PAMR1: variants seen among roughly 807,000 people sequenced by gnomAD.
PAMR1 encodes the protein peptidase domain containing associated with muscle regeneration 1, also known as inactive serine protease PAMR1.
Under a neutral mutation model 81.8 loss-of-function variants are expected in PAMR1, and 88 were observed. That is an observed-to-expected ratio of 1.08 (90% confidence interval 0.91 to 1.28). PAMR1 has a LOEUF of 1.28. Ranked by LOEUF, PAMR1 falls within the 50% of genes most tolerant of loss-of-function variation. The probability of loss-of-function intolerance (pLI) is 0.00; values close to 1 mark genes in which losing one functional copy is unlikely to be tolerated. For synonymous variants in PAMR1, 336 were observed against 345.3 expected, an observed-to-expected ratio of 0.97 and a Z score of 0.30; for missense variants, 935 against 919.7, an observed-to-expected ratio of 1.02 and a Z score of -0.21.
chr11:35,486,861 T>C (rs1364903840), intron 3 of PAMR1, among the ~76,000 whole-genome samples: 1 of 152,182 alleles, frequency 6.6e-6, no homozygotes, highest in Non-Finnish European at 1.5e-5. Flanking sequence ...ATGGAGCGAC[T>C]GAAGTATTGT....
chr11:35,518,326 G>A (rs1273715891), intron 1 of PAMR1, among the ~76,000 whole-genome samples: 5 of 151,900 alleles, frequency 3.3e-5, no homozygotes, highest in African/African-American at 1.2e-4. Context: ...GGACATTTCA[G>A]GTGTTCTCCA....
At chr11:35,528,581 T>G (rs7952594), upstream of PAMR1, among the ~76,000 whole-genome samples, 2 of 152,194 alleles carry the variant, frequency 1.3e-5, no homozygotes, top group African/African-American at 4.8e-5. Context: ...TAAAAAACTT[T>G]TGTTTGTTTT....
Position 35,458,486 on chromosome 11 carries a change from C to G in PAMR1, c.820+9515G>C, listed in dbSNP as rs144732811. On this transcript the variant is annotated intron_variant, in intron 6 of 10. Coordinates refer to ENST00000619888, the MANE Select transcript of PAMR1 (RefSeq NM_001001991.3). ...ATGAAATATTTATGATTGCCAGATA[C>G]CACCTGAGCTAAAAACCAAGTCAGG... Among the ~76,000 whole-genome samples the G allele has an allele frequency of 7.3e-4, 111 of 152,238 alleles. 1 individual carries two copies. Among genetic ancestry groups the G allele is most frequent in the African/African-American group, 2.4e-3 (101 of 41,518 alleles).
intron 3 of PAMR1, among the ~76,000 whole-genome samples, chr11:35,480,665 C>A (rs1850373985): frequency 6.6e-6 from 1 of 152,074 alleles, no homozygotes; most frequent in African/African-American, 2.4e-5. Context: ...AAATACTTTT[C>A]AAATCTCTCC....
rs557495484 is a variant in PAMR1 at position 35,472,092 on chromosome 11, C to A, written c.495-1274G>T. Reference sequence around the variant, plus strand: ...AGTGTTTACTTCACAAAGGGTTGATCACAGAGCTTTTGGGGTGTAGGTCCT... The same window carrying A: ...AGTGTTTACTTCACAAAGGGTTGATAACAGAGCTTTTGGGGTGTAGGTCCT... On this transcript the variant is annotated intron_variant, in intron 4 of 10. Transcript: ENST00000619888. 1.4e-4 allele frequency among the ~76,000 whole-genome samples: 22 copies of A among 152,310 alleles called. No homozygotes were observed. In the South Asian group the frequency reaches 2.3e-3, roughly 16 times the overall value.
chr11:35,503,965 C>A (rs371270414), intron 1 of PAMR1, among the ~76,000 whole-genome samples: 14 of 152,084 alleles, frequency 9.2e-5, no homozygotes, highest in African/African-American at 9.6e-5. Context: ...TAGAGGGAAA[C>A]CTTTCCATTT....
intron 7 of PAMR1, among the ~76,000 whole-genome samples, chr11:35,440,073 G>A (rs777093564): frequency 6.6e-5 from 10 of 152,342 alleles, no homozygotes; most frequent in Non-Finnish European, 1.3e-4. Context: ...GGAATTAGAA[G>A]GTTCTCTTTT....
chr11:35,505,416 G>A (rs1418351480), intron 1 of PAMR1, among the ~76,000 whole-genome samples: 4 of 152,096 alleles, frequency 2.6e-5, no homozygotes, highest in Non-Finnish European at 4.4e-5. Flanking sequence ...TGAATGATCT[G>A]TCCATTGCAG....
chr11:35,451,342 A>G (rs1215262444), intron 6 of PAMR1, among the ~76,000 whole-genome samples: 1 of 152,242 alleles, frequency 6.6e-6, no homozygotes, highest in Non-Finnish European at 1.5e-5. Context: ...TTAAAAGAAG[A>G]CTTCAAGAGA....
intron 5 of PAMR1, among the ~76,000 whole-genome samples, chr11:35,468,697 CT>C (rs142159754): frequency 0.043 from 6,598 of 152,292 alleles, 484 homozygotes; most frequent in African/African-American, 0.15. Flanking sequence ...TACTGCAGAA[CT>C]TCTCAGTTCA....
intron 2 of PAMR1, among the ~76,000 whole-genome samples, chr11:35,492,969 G>A (rs1565350971): frequency 6.6e-6 from 1 of 152,176 alleles, no homozygotes; most frequent in Non-Finnish European, 1.5e-5. Flanking sequence ...AATTGTTTAA[G>A]CTTTCAGTGA....
Position 35,436,137 on chromosome 11 carries a change from T to C in PAMR1, c.1101-2A>G, listed in dbSNP as rs1231843696. 1 of 1,606,206 alleles carries C rather than the reference T, an allele frequency of 6.2e-7. No homozygotes were observed. The highest frequency in any genetic ancestry group is 1.7e-5 in the Admixed American group (1 of 59,982). The stretch of plus-strand genomic sequence containing the variant: ...TATAGCTGGTGTAATGGTGTCTCCC[T>C]GGGTCAGGAAACATGGGCCCAGAGA... On this transcript the variant is annotated splice_acceptor_variant, in intron 8 of 10. Transcript: ENST00000619888. LOFTEE classifies it high-confidence loss of function.
chr11:35,514,773 G>A (rs1352646049), intron 1 of PAMR1, among the ~76,000 whole-genome samples: 1 of 152,156 alleles, frequency 6.6e-6, no homozygotes. Context: ...ATGGCTTGAG[G>A]TCAGGAGTTT....
At position 35,434,725 on chromosome 11, in the gene PAMR1, C is replaced by G; in HGVS notation, c.1413G>C (p.Arg471Ser). 2 of 1,614,190 alleles carry G rather than the reference C, an allele frequency of 1.2e-6. No homozygotes were observed. Among genetic ancestry groups the G allele is most frequent in the Non-Finnish European group, 1.7e-6 (2 of 1,180,038 alleles). Residue 471 changes from arginine (R) to serine (S), a missense_variant, in exon 10 of 11, where the codon AGG (arginine) becomes AGC (serine). By Grantham distance (110) the Arg-to-Ser change is moderately radical. Coordinates refer to ENST00000619888, the MANE Select transcript of PAMR1 (RefSeq NM_001001991.3). ...GGCTGCCGTCATGCACCCCGCTGGTCCTCCTGTAGATGGCTGCCTGCCACG... is the reference window on the plus strand; with the variant it reads ...GGCTGCCGTCATGCACCCCGCTGGTGCTCCTGTAGATGGCTGCCTGCCACG... ...RWPWQAAIYR[R>S]TSGVHDGSLH... is the part of the protein sequence containing the mutation.
chr11:35,450,907 T>A (rs1449353978), intron 6 of PAMR1, among the ~76,000 whole-genome samples: 1 of 152,194 alleles, frequency 6.6e-6, no homozygotes, highest in Non-Finnish European at 1.5e-5. Flanking sequence ...CTGCAGCCAA[T>A]TAGCCTATTA....
At chr11:35,448,960 A>G (rs933026574) in intron 6 of PAMR1, among the ~76,000 whole-genome samples, 2 of 152,138 alleles carry the variant, frequency 1.3e-5, no homozygotes, top group African/African-American at 4.8e-5. Flanking sequence ...CCACACCTGG[A>G]GATATCACCA....
chr11:35,525,970 G>T (rs1214847462), upstream of PAMR1: 2 of 237,730 alleles, frequency 8.4e-6, no homozygotes, highest in South Asian at 1.5e-4. Flanking sequence ...GGGCTGCGGG[G>T]CGCTCAGGTG....
At chr11:35,479,224 G>A (rs1850337855) in intron 3 of PAMR1, among the ~76,000 whole-genome samples, 1 of 152,130 alleles carries the variant, frequency 6.6e-6, no homozygotes, top group African/African-American at 2.4e-5. Flanking sequence ...TTCAGAGAGA[G>A]GCATTTGCAT....
In PAMR1 at chr11:35,432,811, C is replaced by G; in HGVS notation, c.1708G>C (p.Ala570Pro). Residue 570 changes from alanine to proline, a missense_variant, in exon 11 of 11, where the codon GCC (alanine) becomes CCC (proline). Ala to Pro is a conservative substitution (Grantham distance 27). Coordinates refer to ENST00000619888, the MANE Select transcript of PAMR1 (RefSeq NM_001001991.3). ...DIAILKLLDK[A>P]RISTRVQPIC... Reference sequence around the variant, plus strand: ...GGCTGGACTCGGGTGCTGATACGGGCCTTGTCTAGGAGCTTCAGGATGGCG... The same window carrying G: ...GGCTGGACTCGGGTGCTGATACGGGGCTTGTCTAGGAGCTTCAGGATGGCG... The G allele has an allele frequency of 6.2e-7, 1 of 1,607,116 alleles. No individual in the cohort carries two copies. The highest frequency in any genetic ancestry group is 2.2e-5 in the East Asian group (1 of 44,880).
Sources: gnomAD v4.1 joint callset for allele counts (sites outside exome capture counted in the v4.1 genomes callset) on GRCh38, gnomAD v4.1.1 for gene constraint, MANE v1.5 for transcripts, NCBI Gene and HGNC (gene_info 2026-07-23, HGNC 2026-07-21) for gene names.